Variants in CELSR1 observed in about 807,000 individuals in gnomAD.
The protein encoded by CELSR1 is cadherin EGF LAG seven-pass G-type receptor 1.
CELSR1 carries 110 observed loss-of-function variants against 249.1 expected under a neutral mutation model. The ratio of observed to expected loss-of-function variants is 0.44; its 90% CI spans 0.38 to 0.52. CELSR1 has a LOEUF of 0.52. Ranked by LOEUF, CELSR1 falls within the 20% of genes least tolerant of loss-of-function variation. The pLI is 0.00. For missense variants in CELSR1, 4,109 were observed against 4,296.4 expected, an observed-to-expected ratio of 0.96 and a Z score of 1.22; for synonymous variants, 2,113 against 1,900.0, an observed-to-expected ratio of 1.11 and a Z score of -2.92.
chr22:46,391,538 C>T lies in CELSR1; in HGVS notation c.6148+95G>A, dbSNP rs2079091088. ...TCAGAACACGAGGGAGCCCAGGGTC[C>T]CCCAAACACCCAGCGTGCATGCACA... is the stretch of plus-strand genomic sequence containing the variant. On this transcript the variant is annotated intron_variant, in intron 15 of 34. Coordinates refer to ENST00000674500, the MANE Select transcript of CELSR1 (RefSeq NM_001378328.1). This position sits in a 1 kb window ranked among gnomAD's most constrained non-coding sequence, Gnocchi z 4.3. 1 of 1,370,458 alleles carries T rather than the reference C, an allele frequency of 7.3e-7. No homozygotes were observed. The highest frequency in any genetic ancestry group is 1.5e-5 in the South Asian group (1 of 67,158). The allele number at this position is 1,370,458 out of a possible 1,614,324, so 84.9% of individuals were successfully genotyped here.
intron 25 of CELSR1, 81 bp downstream of exon 25, chr22:46,372,802 G>C: frequency 6.7e-7 from 1 of 1,496,544 alleles, no homozygotes; most frequent in Non-Finnish European, 9.0e-7. Flanking sequence ...GCAGGGAAGA[G>C]AAAGGAGGGC....
chr22:46,511,498 CT>C (rs1238456870), intron 1 of CELSR1, among the ~76,000 whole-genome samples: 3 of 152,266 alleles, frequency 2.0e-5, no homozygotes, highest in African/African-American at 7.2e-5. Flanking sequence ...ACGATAGTGA[CT>C]GTGCTGAGCT....
In CELSR1 at chr22:46,364,632, T is replaced by C. The variant is rs751674143; in HGVS notation, c.8659A>G (p.Lys2887Glu). 1.2e-6 allele frequency: 2 copies of C among 1,612,706 alleles called. No individual in the cohort carries two copies. Among genetic ancestry groups the C allele is most frequent in the Non-Finnish European group, 1.7e-6 (2 of 1,179,904 alleles). ...TCGCGGTGCAGCTCCACGCTGACCT[T>C]GGTCTCCACCTTCAGGCGGGGCTTG... The part of the protein sequence containing the change: ...SGKPRLKVET[K>E]VSVELHREEQ... The change falls in exon 33 of 35, where the codon AAG (lysine) becomes GAG (glutamate). Residue 2887 changes from lysine to glutamate, a missense_variant. Physicochemically the swap from Lys to Glu is moderately conservative, Grantham distance 56 (BLOSUM62 1). Transcript: ENST00000674500.
Position 46,471,928 on chromosome 22 carries a change from G to A in CELSR1, c.3545-7583C>T, listed in dbSNP as rs895037780. ...AGGTGATGACGACTTTCTGCCTCAC[G>A]CTGTCCCCCGTGGTTTCATTTCTGT... is the stretch of plus-strand genomic sequence containing the variant. On this transcript the variant is annotated intron_variant, in intron 1 of 34. Transcript: ENST00000674500. This position sits in a 1 kb window ranked among gnomAD's most constrained non-coding sequence, Gnocchi z 4.9. Among the ~76,000 whole-genome samples the A allele has an allele frequency of 6.6e-6, 1 of 152,124 alleles. No individual in the cohort carries two copies. The highest frequency in any genetic ancestry group is 6.6e-5 in the Admixed American group (1 of 15,264).
At chr22:46,462,065 C>T (rs929201810) in intron 2 of CELSR1, among the ~76,000 whole-genome samples, 17 of 152,386 alleles carry the variant, frequency 1.1e-4, no homozygotes, top group African/African-American at 3.4e-4. Flanking sequence ...CCAAACCCAA[C>T]GCAGGTGTGG....
At chr22:46,521,408 G>A (rs1049382295) in intron 1 of CELSR1, among the ~76,000 whole-genome samples, 24 of 152,118 alleles carry the variant, frequency 1.6e-4, no homozygotes, top group African/African-American at 5.6e-4. Context: ...GGGAGGCTGA[G>A]GCAGGAGAAT....
intron 2 of CELSR1, among the ~76,000 whole-genome samples, chr22:46,451,139 A>G (rs2079879310): frequency 2.0e-5 from 3 of 150,634 alleles, no homozygotes; most frequent in African/African-American, 7.4e-5. Context: ...TGACTTTCTC[A>G]CCTCCTGGTG....
chr22:46,475,989 A>T (rs1339716802), intron 1 of CELSR1, among the ~76,000 whole-genome samples: 1 of 152,160 alleles, frequency 6.6e-6, no homozygotes, highest in Non-Finnish European at 1.5e-5. Context: ...CAACATAGCC[A>T]GCCCAACGCC....
At chr22:46,378,138 A>G (rs935814728) in intron 23 of CELSR1, among the ~76,000 whole-genome samples, 32 of 152,254 alleles carry the variant, frequency 2.1e-4, no homozygotes, top group Non-Finnish European at 2.9e-5. Context: ...TTAGCCGCCC[A>G]GCCTTTTGTC....
At chr22:46,384,466 G>A (rs979161268) in intron 20 of CELSR1, 77 bp downstream of exon 20, 31 of 1,475,714 alleles carry the variant, frequency 2.1e-5, no homozygotes, top group African/African-American at 4.3e-5. Context: ...CAGGTCCTGC[G>A]ATGCCCGCAG....
At chr22:46,531,333 G>A (rs2080790226) in intron 1 of CELSR1, among the ~76,000 whole-genome samples, 1 of 152,018 alleles carries the variant, frequency 6.6e-6, no homozygotes, top group Non-Finnish European at 1.5e-5. Context: ...AGCCTCCCGA[G>A]TAGCTGGGAC....
In CELSR1 at chr22:46,391,308, G is replaced by T. The variant is rs777606696; in HGVS notation, c.6149-21C>A. ...GATCACTGGGGTAGAGAAGAGAGAA[G>T]TCTGCTCAGCGGGGCACGCCACACC... On this transcript the variant is annotated intron_variant, in intron 15 of 34. Transcript: ENST00000674500. This position sits in a 1 kb window ranked among gnomAD's most constrained non-coding sequence, Gnocchi z 4.3. 2 of 1,598,672 alleles carry T rather than the reference G, an allele frequency of 1.3e-6. No individual in the cohort carries two copies. The highest frequency in any genetic ancestry group is 2.2e-5 in the South Asian group (2 of 90,682).
In CELSR1 at chr22:46,409,147, T is replaced by G. The variant is rs1569142146; in HGVS notation, c.5075A>C (p.Gln1692Pro). The change falls in exon 9 of 35, where the codon CAG (glutamine) becomes CCG (proline). Residue 1692 changes from glutamine (Q) to proline (P), a missense_variant. By Grantham distance (76) the Gln-to-Pro change is moderately conservative (BLOSUM62 -1). This residue lies in a region of CELSR1 where 453 missense variants were observed against 492.0 expected (regional missense o/e 0.92). Coordinates refer to ENST00000674500, the MANE Select transcript of CELSR1 (RefSeq NM_001378328.1). The surrounding 1 kb of genome is among the most constrained non-coding windows in gnomAD (Gnocchi z 9.8). ...KNCEQAMPHP[Q>P]LFSGESVVSW... ...CACGACGCTCTCACCGCTGAAGAGC[T>G]GGGGGTGAGGCATGGCTGCGGACAC... is the stretch of plus-strand genomic sequence containing the variant. The G allele has an allele frequency of 6.2e-7, 1 of 1,612,830 alleles. No homozygotes were observed. Among genetic ancestry groups the G allele is most frequent in the Admixed American group, 1.7e-5 (1 of 59,920 alleles).
rs2079810299 is a variant in CELSR1 at position 46,445,636 on chromosome 22, A to G, written c.4184-6225T>C. Among the ~76,000 whole-genome samples, 1 of 152,190 alleles carries G rather than the reference A, an allele frequency of 6.6e-6. No homozygotes were observed. On this transcript the variant is annotated intron_variant, in intron 2 of 34. Transcript: ENST00000674500. The surrounding 1 kb of genome is among the most constrained non-coding windows in gnomAD (Gnocchi z 4.4). The stretch of plus-strand genomic sequence containing the variant: ...TCTCATTCTGAGAGTCTGTGTGGAC[A>G]AGGATTTTGGGAGCCACTGCTGAAT...
Position 46,367,065 on chromosome 22 carries a change from G to C in CELSR1, c.8133C>G (p.His2711Gln). 2 of 1,611,572 alleles carry C rather than the reference G, an allele frequency of 1.2e-6. No individual in the cohort carries two copies. Among genetic ancestry groups the C allele is most frequent in the Non-Finnish European group, 8.5e-7 (1 of 1,179,710 alleles). The change falls in exon 29 of 35, where the codon CAC (histidine) becomes CAG (glutamine). Residue 2711 changes from histidine to glutamine, a missense_variant. Physicochemically the swap from His to Gln is conservative, Grantham distance 24. Coordinates refer to ENST00000674500, the MANE Select transcript of CELSR1 (RefSeq NM_001378328.1). Reference sequence around the variant, plus strand: ...TCCTCCCGCCGAGCACGCCCTTCAGGTGCTTCCGGACCTCCTGGTTGAGCA... The same window carrying C: ...TCCTCCCGCCGAGCACGCCCTTCAGCTGCTTCCGGACCTCCTGGTTGAGCA... ...HCVLNQEVRK[H>Q]LKGVLGGRKL...
intron 2 of CELSR1, among the ~76,000 whole-genome samples, chr22:46,457,718 G>A (rs1017636492): frequency 1.3e-5 from 2 of 152,250 alleles, no homozygotes; most frequent in Non-Finnish European, 2.9e-5. Flanking sequence ...TGATGAGCAC[G>A]AGGGCGGACC....
intron 18 of CELSR1, 144 bp downstream of exon 18, chr22:46,389,146 C>G: frequency 2.2e-6 from 2 of 923,688 alleles, no homozygotes; most frequent in Non-Finnish European, 3.4e-6. Flanking sequence ...CCCGCCAGGG[C>G]TCACATTTGA....
chr22:46,371,491 G>A (rs562201959), intron 25 of CELSR1, among the ~76,000 whole-genome samples: 14 of 152,220 alleles, frequency 9.2e-5, no homozygotes, highest in African/African-American at 3.4e-4. Context: ...AGCAAAATGT[G>A]TGCTGAGGAA....
chr22:46,444,253 AG>A (rs2079791110), intron 2 of CELSR1, among the ~76,000 whole-genome samples: 2 of 152,230 alleles, frequency 1.3e-5, no homozygotes, highest in African/African-American at 4.8e-5. Flanking sequence ...GCCCAGGAAA[AG>A]GTGGCCAGCC....
Sources: gnomAD v4.1 joint callset for allele counts (sites outside exome capture counted in the v4.1 genomes callset) on GRCh38, gnomAD v4.1.1 for gene constraint, gnomAD v4.1.1 regional missense constraint, Gnocchi (gnomAD v3.1) non-coding constraint, MANE v1.5 for transcripts, NCBI Gene and HGNC (gene_info 2026-07-23, HGNC 2026-07-21) for gene names.